Variants in FLVCR2 observed in about 807,000 individuals in gnomAD.
The protein encoded by FLVCR2 is choline/ethanolamine transporter FLVCR2.
In FLVCR2, 38 loss-of-function variants were observed where a neutral mutation model predicts 48.9. The observed-to-expected ratio is 0.78, with a 90% CI of 0.60 to 1.02. FLVCR2 has a LOEUF of 1.02. FLVCR2 is among the 50% of genes least tolerant of loss of function. The pLI, the probability that FLVCR2 is intolerant of heterozygous loss-of-function variation, is 0.00. For missense variants in FLVCR2, 664 were observed against 663.3 expected, an observed-to-expected ratio of 1.00 and a Z score of -0.01; for synonymous variants, 255 against 257.0, an observed-to-expected ratio of 0.99 and a Z score of 0.07.
chr14:75,616,047 A>G (rs1192915118), intron 1 of FLVCR2, among the ~76,000 whole-genome samples: 138 of 148,256 alleles, frequency 9.3e-4, no homozygotes, highest in African/African-American at 3.4e-3. Flanking sequence ...AAAAAAAAAA[A>G]ATAGCGTAAG....
chr14:75,602,471 C>T (rs1376879841), intron 1 of FLVCR2, among the ~76,000 whole-genome samples: 2 of 152,164 alleles, frequency 1.3e-5, no homozygotes, highest in Non-Finnish European at 2.9e-5. Flanking sequence ...CTACCTATGT[C>T]ACCTCATTAG....
At chr14:75,614,673 A>C (rs1889562107) in intron 1 of FLVCR2, among the ~76,000 whole-genome samples, 1 of 152,236 alleles carries the variant, frequency 6.6e-6, no homozygotes, top group East Asian at 1.9e-4. Flanking sequence ...CAGCTGTATT[A>C]GTCTGTTTTC....
intron 6 of FLVCR2, chr14:75,640,595 TC>T (rs918386528): frequency 8.7e-6 from 3 of 345,238 alleles, no homozygotes; most frequent in South Asian, 5.0e-5. Flanking sequence ...AAGTTCCCAC[TC>T]CCAGCACAGG....
rs1490126183 is a variant in FLVCR2 at position 75,642,960 on chromosome 14, C to T, written c.1509+1062C>T. Among the ~76,000 whole-genome samples the T allele has an allele frequency of 4.6e-5, 7 of 152,278 alleles. No homozygotes were observed. In the East Asian group the frequency reaches 9.6e-4, roughly 21 times the overall value. On this transcript the variant is annotated intron_variant, in intron 9 of 9. Coordinates refer to ENST00000238667, the MANE Select transcript of FLVCR2 (RefSeq NM_017791.3). ...CACTGCAGCCTCTGCCTCCCGGGTT[C>T]GAGTGATTCTCATGCCGCAGTCTCC...
Position 75,595,345 on chromosome 14 carries a change from A to C in FLVCR2, c.669+15704A>C, listed in dbSNP as rs535984189. Among the ~76,000 whole-genome samples, 11 of 152,368 alleles carry C rather than the reference A, an allele frequency of 7.2e-5. No homozygotes were observed. In the South Asian group the frequency reaches 2.3e-3, roughly 32 times the overall value. On this transcript the variant is annotated intron_variant, in intron 1 of 9. Coordinates refer to ENST00000238667, the MANE Select transcript of FLVCR2 (RefSeq NM_017791.3). ...AGGTCTAGAACAATGATAGTATTTC[A>C]GCAGTGGAAATCAGATCCTAGCAGA...
At chr14:75,608,139 G>A (rs187515678) in intron 1 of FLVCR2, among the ~76,000 whole-genome samples, 4 of 152,276 alleles carry the variant, frequency 2.6e-5, no homozygotes, top group Admixed American at 6.5e-5. Context: ...GACACACATC[G>A]TGTCCTGCCT....
chr14:75,637,787 T>C (rs1450566049), intron 5 of FLVCR2, among the ~76,000 whole-genome samples: 2 of 151,270 alleles, frequency 1.3e-5, no homozygotes, highest in African/African-American at 4.9e-5. Context: ...ATCTGAGTCC[T>C]GATGTTCATG....
chr14:75,642,263 G>A (rs1341366009), intron 9 of FLVCR2, among the ~76,000 whole-genome samples: 1 of 152,186 alleles, frequency 6.6e-6, no homozygotes, highest in African/African-American at 2.4e-5. Context: ...GTCAGTGGCT[G>A]GGGAGGAAGG....
At chr14:75,607,006 G>T (rs1889309593) in intron 1 of FLVCR2, among the ~76,000 whole-genome samples, 3 of 151,942 alleles carry the variant, frequency 2.0e-5, no homozygotes, top group Admixed American at 2.0e-4. Context: ...GCTCCTCTAG[G>T]TTGGGACCCA....
intron 3 of FLVCR2, chr14:75,633,033 G>A (rs1890083792): frequency 1.4e-6 from 1 of 698,334 alleles, no homozygotes; most frequent in East Asian, 2.7e-5. Context: ...GCCTTTCACA[G>A]CATATTCTAG....
At chr14:75,593,858 G>A (rs749162427) in intron 1 of FLVCR2, among the ~76,000 whole-genome samples, 5 of 151,952 alleles carry the variant, frequency 3.3e-5, no homozygotes, top group South Asian at 2.1e-4. Context: ...TTTCTCCTAC[G>A]GACACTTTTT....
chr14:75,581,467 G>A (rs1199572426), intron 1 of FLVCR2, among the ~76,000 whole-genome samples: 1 of 152,196 alleles, frequency 6.6e-6, no homozygotes, highest in Non-Finnish European at 1.5e-5. Flanking sequence ...AGGACGGTAA[G>A]GGGTATGAAG....
At chr14:75,623,909 G>A (rs901485838) in intron 2 of FLVCR2, among the ~76,000 whole-genome samples, 2 of 152,142 alleles carry the variant, frequency 1.3e-5, no homozygotes, top group Non-Finnish European at 2.9e-5. Context: ...AAATTAGCCA[G>A]GCATTGGTGG....
At chr14:75,645,111 G>A (rs1890392096) in intron 9 of FLVCR2, among the ~76,000 whole-genome samples, 1 of 151,708 alleles carries the variant, frequency 6.6e-6, no homozygotes, top group Non-Finnish European at 1.5e-5. Flanking sequence ...GACTGAAATA[G>A]GCTGTTAGTT....
chr14:75,608,180 G>A (rs1318751071), intron 1 of FLVCR2, among the ~76,000 whole-genome samples: 1 of 152,178 alleles, frequency 6.6e-6, no homozygotes, highest in Non-Finnish European at 1.5e-5. Flanking sequence ...CATGTAGAGG[G>A]CTCAGCACTC....
chr14:75,636,181 C>T lies in FLVCR2; in HGVS notation c.1124+1168C>T, dbSNP rs1482199211. On this transcript the variant is annotated intron_variant, in intron 5 of 9. Transcript: ENST00000238667. ...TGCTCTGTCAAGGCCTCCAAAGTTC[C>T]CAGTGTCTGCAGGCAACAGACAGTG... Among the ~76,000 whole-genome samples the T allele has an allele frequency of 2.0e-5, 3 of 152,152 alleles. No individual in the cohort carries two copies. The East Asian group carries it at 5.8e-4, about 29-fold the overall frequency.
At chr14:75,628,711 A>G (rs1889966330) in intron 3 of FLVCR2, among the ~76,000 whole-genome samples, 1 of 152,182 alleles carries the variant, frequency 6.6e-6, no homozygotes, top group Non-Finnish European at 1.5e-5. Context: ...TTTTGGTGTC[A>G]GCTCTGCCAG....
chr14:75,585,844 A>C (rs531312809), intron 1 of FLVCR2, among the ~76,000 whole-genome samples: 2 of 152,338 alleles, frequency 1.3e-5, no homozygotes, highest in African/African-American at 4.8e-5. Flanking sequence ...TGGAATTGGA[A>C]GGACAGGGAG....
chr14:75,621,343 G>A (rs1452100060), intron 1 of FLVCR2, among the ~76,000 whole-genome samples: 3 of 151,632 alleles, frequency 2.0e-5, no homozygotes, highest in Non-Finnish European at 4.4e-5. Flanking sequence ...AGGAGGCGGA[G>A]GCTGCAGTGA....
Sources: allele counts gnomAD v4.1 joint callset (sites outside exome capture counted in the v4.1 genomes callset), GRCh38; gene constraint gnomAD v4.1.1; transcripts MANE v1.5; gene names NCBI Gene and HGNC (gene_info 2026-07-23, HGNC 2026-07-21).